The following KDM4B variants were observed in gnomAD, a reference collection of about 807,000 sequenced individuals.
The protein encoded by KDM4B is lysine demethylase 4B.
A neutral mutation model predicts 125.2 loss-of-function variants in KDM4B; 32 were observed. That is an observed-to-expected ratio of 0.26 (90% CI 0.19 to 0.34). KDM4B has a LOEUF of 0.34. Ranked by LOEUF, KDM4B falls within the 10% of genes least tolerant of loss-of-function variation. The pLI is 1.00. For missense variants in KDM4B, 1,190 were observed against 1,577.7 expected (o/e 0.75, Z 4.16); for synonymous variants, 721 against 677.9 (o/e 1.06, Z -0.99).
intron 9 of KDM4B, among the ~76,000 whole-genome samples, chr19:5,096,134 G>A (rs1384386843): frequency 1.3e-5 from 2 of 150,088 alleles, no homozygotes; most frequent in Non-Finnish European, 3.0e-5. Flanking sequence ...CACCCAGGCT[G>A]GAGTGCAGTG....
chr19:5,069,190 T>C (rs2037869266), intron 6 of KDM4B, among the ~76,000 whole-genome samples: 1 of 152,234 alleles, frequency 6.6e-6, no homozygotes, highest in Non-Finnish European at 1.5e-5. Flanking sequence ...TCGCCTTGGC[T>C]GGGGACCCTG....
rs1177741297 is a variant in KDM4B at position 5,115,898 on chromosome 19, T to G, written c.1116-3755T>G. Among the ~76,000 whole-genome samples, 3 of 152,098 alleles carry G rather than the reference T, an allele frequency of 2.0e-5. No individual in the cohort carries two copies. The highest frequency in any genetic ancestry group is 7.2e-5 in the African/African-American group (3 of 41,400). ...GGATCAGGAAGTCAGAGGCGTAGTC[T>G]AGGAAATCTAGCCCCTGATAGGAGT... On this transcript the variant is annotated intron_variant, in intron 10 of 22. Coordinates refer to ENST00000159111, the MANE Select transcript of KDM4B (RefSeq NM_015015.3). The surrounding 1 kb of genome is among the most constrained non-coding windows in gnomAD (Gnocchi z 4.2).
At chr19:5,150,162 C>T (rs1226720013) in intron 21 of KDM4B, among the ~76,000 whole-genome samples, 196 bp from the exon 22 acceptor site, 1 of 152,240 alleles carries the variant, frequency 6.6e-6, no homozygotes, top group Non-Finnish European at 1.5e-5. Context: ...CCCCGTGGTA[C>T]GGGACCCTCA....
intron 1 of KDM4B, among the ~76,000 whole-genome samples, chr19:5,012,997 C>G (rs551649839): frequency 1.3e-5 from 2 of 152,338 alleles, no homozygotes; most frequent in African/African-American, 4.8e-5. Flanking sequence ...CGGATGGGGA[C>G]CAGGGTGGAC....
At chr19:5,061,463 A>G (rs541804700) in intron 6 of KDM4B, among the ~76,000 whole-genome samples, 2 of 152,320 alleles carry the variant, frequency 1.3e-5, no homozygotes, top group East Asian at 1.9e-4. Flanking sequence ...GGCAGATCCT[A>G]TCTCCCAAGC....
intron 9 of KDM4B, among the ~76,000 whole-genome samples, chr19:5,109,439 G>A (rs547728450): frequency 4.4e-4 from 67 of 152,286 alleles, no homozygotes; most frequent in Non-Finnish European, 7.5e-4. Flanking sequence ...CCAAAGTGAC[G>A]CAGCGGCAGA....
At chr19:5,092,198 C>T (rs557699382) in intron 9 of KDM4B, among the ~76,000 whole-genome samples, 1 of 152,290 alleles carries the variant, frequency 6.6e-6, no homozygotes, top group African/African-American at 2.4e-5. Context: ...TTAGTCTCTC[C>T]CTCGGCACTG....
At chr19:4,981,002 C>T (rs1470172769) in intron 1 of KDM4B, among the ~76,000 whole-genome samples, 2 of 152,144 alleles carry the variant, frequency 1.3e-5, no homozygotes, top group African/African-American at 2.4e-5. Context: ...CTTTGAGGTG[C>T]AGTGGCCCGG....
chr19:5,124,130 G>C (rs1233395342), intron 11 of KDM4B, among the ~76,000 whole-genome samples: 1 of 152,128 alleles, frequency 6.6e-6, no homozygotes, highest in East Asian at 1.9e-4. Context: ...AGATGGGTGA[G>C]TTATGGGAAA....
At chr19:5,149,993 T>G (rs2039917892) in intron 21 of KDM4B, among the ~76,000 whole-genome samples, 2 of 152,202 alleles carry the variant, frequency 1.3e-5, no homozygotes, top group Admixed American at 1.3e-4. Flanking sequence ...CCTGGCTCTG[T>G]GTCCACCAGT....
At chr19:5,068,239 A>G (rs536772361) in intron 6 of KDM4B, among the ~76,000 whole-genome samples, 1 of 152,122 alleles carries the variant, frequency 6.6e-6, no homozygotes, top group Non-Finnish European at 1.5e-5. Flanking sequence ...CCCCTCTGGG[A>G]GGCCCGAAGG....
At position 5,052,883 on chromosome 19, in the gene KDM4B, G is replaced by A. The variant is rs953004311; in HGVS notation, c.626+5214G>A. Reference sequence around the variant, plus strand: ...CTTCCAGCTTCTGAGCCCGGGACCCGGGGGGTCCCACCAGCAGTGGGGACC... The same window carrying A: ...CTTCCAGCTTCTGAGCCCGGGACCCAGGGGGTCCCACCAGCAGTGGGGACC... On this transcript the variant is annotated intron_variant, in intron 6 of 22. Transcript: ENST00000159111. Among the ~76,000 whole-genome samples the A allele has an allele frequency of 7.3e-5, 11 of 149,676 alleles. 1 individual carries two copies. Among genetic ancestry groups the A allele is most frequent in the South Asian group, 4.1e-4 (2 of 4,832 alleles).
At chr19:4,981,239 G>A (rs1421989751) in intron 1 of KDM4B, among the ~76,000 whole-genome samples, 1 of 152,106 alleles carries the variant, frequency 6.6e-6, no homozygotes, top group Non-Finnish European at 1.5e-5. Flanking sequence ...CCTTTGCTGT[G>A]TCCTGTAAGG....
chr19:5,134,445 G>A (rs1006518361), intron 14 of KDM4B, among the ~76,000 whole-genome samples: 1 of 152,184 alleles, frequency 6.6e-6, no homozygotes, highest in South Asian at 2.1e-4. Context: ...ACCCTGGCCT[G>A]TCTAGCTGAG....
chr19:5,006,480 A>G (rs1025446226), intron 1 of KDM4B, among the ~76,000 whole-genome samples: 3 of 152,136 alleles, frequency 2.0e-5, no homozygotes, highest in African/African-American at 7.2e-5. Flanking sequence ...TGGTTAAGAT[A>G]TGGTGAGTTA....
At chr19:4,995,364 A>G (rs908360433) in intron 1 of KDM4B, among the ~76,000 whole-genome samples, 3 of 151,938 alleles carry the variant, frequency 2.0e-5, no homozygotes, top group East Asian at 3.9e-4. Context: ...CAACAGAGCA[A>G]GAATCCTGGG....
intron 6 of KDM4B, among the ~76,000 whole-genome samples, chr19:5,067,062 G>C (rs1010225136): frequency 3.3e-5 from 5 of 152,068 alleles, no homozygotes; most frequent in Non-Finnish European, 5.9e-5. Context: ...GCCTGCAGTG[G>C]GTGCACCTGA....
chr19:5,002,309 C>T lies in KDM4B; in HGVS notation c.-108-13948C>T, dbSNP rs371414860. Among the ~76,000 whole-genome samples, 16 of 151,840 alleles carry T rather than the reference C, an allele frequency of 1.1e-4. No homozygotes were observed. In the East Asian group the frequency reaches 1.2e-3, roughly 11 times the overall value. On this transcript the variant is annotated intron_variant, in intron 1 of 22. Coordinates refer to ENST00000159111, the MANE Select transcript of KDM4B (RefSeq NM_015015.3). ...CACCTCACCCAGTGCAAATATTTTC[C>T]CTCGGTCTCTGGATTGCCTTTTGGC...
intron 11 of KDM4B, among the ~76,000 whole-genome samples, chr19:5,129,045 G>A (rs2146047414): frequency 6.6e-6 from 1 of 152,328 alleles, no homozygotes; most frequent in South Asian, 2.1e-4. Context: ...GTGGGGGCCA[G>A]GGCAGTGGCG....
Sources: gnomAD v4.1 joint callset for allele counts (sites outside exome capture counted in the v4.1 genomes callset) on GRCh38, gnomAD v4.1.1 for gene constraint, Gnocchi (gnomAD v3.1) non-coding constraint, MANE v1.5 for transcripts, NCBI Gene and HGNC (gene_info 2026-07-23, HGNC 2026-07-21) for gene names.